DCTN6: variants seen among roughly 807,000 people sequenced by gnomAD.
DCTN6 encodes the protein dynactin 6.
Under a neutral mutation model 25.8 loss-of-function variants are expected in DCTN6, and 15 were observed. The ratio of observed to expected loss-of-function variants is 0.58; its 90% CI spans 0.39 to 0.89. The LOEUF (loss-of-function observed/expected upper bound fraction) is 0.89. Among genes scored for constraint, DCTN6 ranks in the 40% least tolerant of loss-of-function variants. DCTN6 has a pLI of 0.00. For missense variants in DCTN6, 198 were observed against 237.6 expected (o/e 0.83, Z 1.09); for synonymous variants, 64 against 78.3 (o/e 0.82, Z 0.96).
chr8:30,160,271 T>C (rs752579961), intron 1 of DCTN6, among the ~76,000 whole-genome samples: 1 of 152,212 alleles, frequency 6.6e-6, no homozygotes, highest in Non-Finnish European at 1.5e-5. Context: ...CCCATCCTGT[T>C]CTCATGATAG....
intron 2 of DCTN6, among the ~76,000 whole-genome samples, chr8:30,167,144 A>T (rs1803689465): frequency 6.6e-6 from 1 of 151,688 alleles, no homozygotes; most frequent in Non-Finnish European, 1.5e-5. Context: ...AAAAAAGAAA[A>T]ATTAGCAGAA....
At chr8:30,164,437 C>T (rs1803638698) in intron 2 of DCTN6, among the ~76,000 whole-genome samples, 1 of 152,154 alleles carries the variant, frequency 6.6e-6, no homozygotes, top group Admixed American at 6.5e-5. Flanking sequence ...TGTGTACCTG[C>T]GATGTGCCAG....
At position 30,179,470 on chromosome 8, in the gene DCTN6, G is replaced by C; in HGVS notation, c.331+15G>C. 1 of 1,607,042 alleles carries C rather than the reference G, an allele frequency of 6.2e-7. No individual in the cohort carries two copies. Among genetic ancestry groups the C allele is most frequent in the South Asian group, 1.1e-5 (1 of 90,262 alleles). On this transcript the variant is annotated intron_variant, in intron 5 of 6. Coordinates refer to ENST00000221114, the MANE Select transcript of DCTN6 (RefSeq NM_006571.4). ...TGAATCAAAAGGTAAGCTACATTCA[G>C]AGTTTCATTGTCAAAGCAGTGACCT...
At chr8:30,158,466 T>C (rs1270533339) in intron 1 of DCTN6, among the ~76,000 whole-genome samples, 1 of 152,152 alleles carries the variant, frequency 6.6e-6, no homozygotes, top group Admixed American at 6.5e-5. Context: ...GAAAAACATC[T>C]GGAGTGACAG....
intron 2 of DCTN6, among the ~76,000 whole-genome samples, chr8:30,174,555 C>G (rs536584792): frequency 6.6e-6 from 1 of 152,052 alleles, no homozygotes; most frequent in Non-Finnish European, 1.5e-5. Flanking sequence ...AGGCTGGTCT[C>G]GATCTCCTGA....
chr8:30,172,783 C>T (rs1563230361), intron 2 of DCTN6, among the ~76,000 whole-genome samples: 1 of 152,146 alleles, frequency 6.6e-6, no homozygotes, highest in African/African-American at 2.4e-5. Flanking sequence ...TACAGTGGAG[C>T]TTACATCTGG....
chr8:30,181,256 C>G (rs567787959), intron 6 of DCTN6, among the ~76,000 whole-genome samples: 1 of 152,218 alleles, frequency 6.6e-6, no homozygotes, highest in South Asian at 2.1e-4. Flanking sequence ...CTGTACAAGC[C>G]ATATTGATTT....
intron 2 of DCTN6, among the ~76,000 whole-genome samples, chr8:30,169,975 C>A (rs779979811): frequency 5.9e-5 from 9 of 152,120 alleles, no homozygotes; most frequent in Admixed American, 2.6e-4. Context: ...GAGTTTGAGA[C>A]CAGCCTGGGC....
chr8:30,182,976 AGTGCTGAGATTACAG>A, intron 6 of DCTN6, 84 bp from the exon 7 acceptor site: 3 of 912,222 alleles, frequency 3.3e-6, no homozygotes, highest in Non-Finnish European at 5.3e-6. Flanking sequence ...GGCCTCCCAA[AGTGCTGAGATTACAG>A]GCATGACCCA....
At chr8:30,174,143 G>A (rs981997092) in intron 2 of DCTN6, among the ~76,000 whole-genome samples, 3 of 152,196 alleles carry the variant, frequency 2.0e-5, no homozygotes, top group Non-Finnish European at 4.4e-5. Context: ...GGACTCCAGT[G>A]ATCACCTTTG....
At chr8:30,156,510 A>T in intron 1 of DCTN6, 104 bp downstream of exon 1, 1 of 1,377,370 alleles carries the variant, frequency 7.3e-7, no homozygotes, top group South Asian at 1.2e-5. Context: ...CATCCTGGGC[A>T]TTCGGGCCGA....
chr8:30,166,445 G>A (rs1264400880), intron 2 of DCTN6, among the ~76,000 whole-genome samples: 3 of 151,316 alleles, frequency 2.0e-5, no homozygotes, highest in Admixed American at 1.3e-4. Context: ...ATCACACCTG[G>A]CCCAACAACA....
rs34642265 is a variant in DCTN6, at chr8:30,158,778, C to CTT, written c.23+2392_23+2393dup. On this transcript the variant is annotated intron_variant, in intron 1 of 6. Coordinates refer to ENST00000221114, the MANE Select transcript of DCTN6 (RefSeq NM_006571.4). ...GAAAGCTTTGCACCATGCCTGGTTCCTTTTTTTTTTTTTTTTTTTTTGAGA... is the reference window on the plus strand; with the variant it reads ...GAAAGCTTTGCACCATGCCTGGTTCCTTTTTTTTTTTTTTTTTTTTTTTGAGA... Among the ~76,000 whole-genome samples, 61 of 70,644 alleles carry CTT rather than the reference C, an allele frequency of 8.6e-4. 1 individual carries two copies. Among genetic ancestry groups the CTT allele is most frequent in the African/African-American group, 2.1e-3 (46 of 21,670 alleles). 46.3% of individuals were successfully genotyped at this position (70,644 alleles called of 152,430 possible). A position where few individuals can be genotyped will look rare whatever the true frequency, so the allele number is the denominator to read the frequency against.
At chr8:30,180,664 T>C (rs754153910) in intron 6 of DCTN6, 34 bp downstream of exon 6, 7 of 1,607,758 alleles carry the variant, frequency 4.4e-6, no homozygotes, top group Non-Finnish European at 3.4e-6. Flanking sequence ...GAGTTCTATC[T>C]GCTGATTTTC....
intron 2 of DCTN6, among the ~76,000 whole-genome samples, chr8:30,170,786 GC>G (rs1803753058): frequency 6.6e-6 from 1 of 150,526 alleles, no homozygotes; most frequent in Admixed American, 6.6e-5. Context: ...GATTACAGAT[GC>G]CCGCCATAAT....
At chr8:30,171,233 C>T (rs542248117) in intron 2 of DCTN6, among the ~76,000 whole-genome samples, 1 of 151,514 alleles carries the variant, frequency 6.6e-6, no homozygotes, top group Admixed American at 6.6e-5. Flanking sequence ...ACAGATATGA[C>T]GATCACTTCC....
intron 1 of DCTN6, among the ~76,000 whole-genome samples, chr8:30,163,072 T>C (rs1169494451): frequency 6.6e-6 from 1 of 151,780 alleles, no homozygotes; most frequent in Non-Finnish European, 1.5e-5. Flanking sequence ...CTGAGGTGGG[T>C]GGATCACCTG....
At chr8:30,182,200 A>G (rs1344773018) in intron 6 of DCTN6, among the ~76,000 whole-genome samples, 1 of 152,198 alleles carries the variant, frequency 6.6e-6, no homozygotes, top group Non-Finnish European at 1.5e-5. Flanking sequence ...TTCACTAATC[A>G]TAAGGATTAT....
At chr8:30,182,941 T>G (rs1803929502) in intron 6 of DCTN6, 134 bp from the exon 7 acceptor site, 7 of 679,916 alleles carry the variant, frequency 1.0e-5, no homozygotes, top group Non-Finnish European at 1.8e-5. Context: ...CTGGAACTCC[T>G]GAGCTCAAAT....
Sources: allele counts gnomAD v4.1 joint callset (sites outside exome capture counted in the v4.1 genomes callset), GRCh38; gene constraint gnomAD v4.1.1; transcripts MANE v1.5; gene names NCBI Gene and HGNC (gene_info 2026-07-23, HGNC 2026-07-21).